The following TBCK variants were observed in gnomAD, a reference collection of about 807,000 sequenced individuals.
TBCK encodes TBC domain-containing protein kinase-like protein.
A neutral mutation model predicts 113.4 loss-of-function variants in TBCK; 99 were observed. That is an observed-to-expected ratio of 0.87 (90% CI 0.74 to 1.03). TBCK has a LOEUF of 1.03. Ranked by LOEUF, TBCK falls within the 50% of genes least tolerant of loss-of-function variation. The pLI, the probability that TBCK is intolerant of heterozygous loss-of-function variation, is 0.00. For missense variants in TBCK, 1,045 were observed against 1,061.3 expected, an observed-to-expected ratio of 0.98 and a Z score of 0.21; for synonymous variants, 369 against 370.8, an observed-to-expected ratio of 1.00 and a Z score of 0.05.
intron 19 of TBCK, among the ~76,000 whole-genome samples, chr4:106,222,149 T>C (rs899699632): frequency 6.6e-5 from 10 of 151,760 alleles, no homozygotes; most frequent in African/African-American, 1.2e-4. Context: ...AAGTTTATTA[T>C]ATTACAGTAT....
At chr4:106,195,677 G>A (rs749727290) in intron 20 of TBCK, among the ~76,000 whole-genome samples, 19 of 151,888 alleles carry the variant, frequency 1.3e-4, no homozygotes, top group Non-Finnish European at 2.1e-4. Context: ...TGCTTGAGCC[G>A]GAACATTTCA....
At chr4:106,120,259 C>A (rs931100913) in intron 23 of TBCK, among the ~76,000 whole-genome samples, 1 of 152,098 alleles carries the variant, frequency 6.6e-6, no homozygotes, top group Non-Finnish European at 1.5e-5. Context: ...TTTTCGGACC[C>A]CCTTAAAAAA....
At chr4:106,058,248 T>C (rs954678146) in intron 25 of TBCK, among the ~76,000 whole-genome samples, 13 of 151,730 alleles carry the variant, frequency 8.6e-5, no homozygotes, top group Admixed American at 6.6e-4. Flanking sequence ...CCATCATTTA[T>C]GGTTGTTCAA....
In TBCK at chr4:106,236,386, A is replaced by G; in HGVS notation, c.1350+4T>C. On this transcript the variant is annotated splice_donor_region_variant and intron_variant, in intron 14 of 25. Coordinates refer to ENST00000394708, the MANE Select transcript of TBCK (RefSeq NM_001163435.3). ...GTTAACACTTTATACTTTAGAATCC[A>G]TACCTTTAGCAGCCTGTCGAAGAGA... The G allele has an allele frequency of 6.8e-7, 1 of 1,477,698 alleles. No individual in the cohort carries two copies. The highest frequency in any genetic ancestry group is 9.0e-7 in the Non-Finnish European group (1 of 1,113,388). 91.5% of individuals were successfully genotyped at this position (1,477,698 alleles called of 1,614,324 possible).
chr4:106,082,464 G>T (rs951503056), intron 25 of TBCK, among the ~76,000 whole-genome samples: 1 of 152,026 alleles, frequency 6.6e-6, no homozygotes, highest in Non-Finnish European at 1.5e-5. Flanking sequence ...GAGAGACATG[G>T]TTTTTAGGGC....
At chr4:106,235,425 C>T (rs1401473896) in intron 14 of TBCK, 58 bp from the exon 15 acceptor site, 7 of 1,190,466 alleles carry the variant, frequency 5.9e-6, no homozygotes, top group Non-Finnish European at 8.3e-6. Flanking sequence ...ATCTTTTAGT[C>T]TAGACAGTTC....
At chr4:106,221,346 G>C (rs1213500519) in intron 19 of TBCK, among the ~76,000 whole-genome samples, 1 of 151,924 alleles carries the variant, frequency 6.6e-6, no homozygotes, top group East Asian at 1.9e-4. Context: ...CACACACACA[G>C]ACATAAAATA....
At chr4:106,227,255 G>A (rs1358256688) in intron 19 of TBCK, among the ~76,000 whole-genome samples, 1 of 151,998 alleles carries the variant, frequency 6.6e-6, no homozygotes, top group Non-Finnish European at 1.5e-5. Context: ...TGTAGACACA[G>A]ATATATAGGA....
At chr4:106,221,809 C>T (rs987924446) in intron 19 of TBCK, among the ~76,000 whole-genome samples, 6 of 152,128 alleles carry the variant, frequency 3.9e-5, no homozygotes, top group African/African-American at 1.2e-4. Context: ...ACTCCAGGAC[C>T]GCTTGAGGGA....
intron 19 of TBCK, among the ~76,000 whole-genome samples, chr4:106,216,719 T>A (rs986396496): frequency 6.6e-6 from 1 of 152,128 alleles, no homozygotes; most frequent in Non-Finnish European, 1.5e-5. Context: ...ATTGTGGCAA[T>A]AATCAATAGC....
chr4:106,228,683 C>T (rs1344955178), intron 19 of TBCK, among the ~76,000 whole-genome samples: 2 of 151,960 alleles, frequency 1.3e-5, no homozygotes, highest in African/African-American at 4.8e-5. Flanking sequence ...TCTTGGCTAT[C>T]ATGAATGGTG....
chr4:106,055,629 T>C (rs1234072713), intron 25 of TBCK, among the ~76,000 whole-genome samples: 2 of 151,510 alleles, frequency 1.3e-5, no homozygotes, highest in African/African-American at 4.8e-5. Flanking sequence ...TCCTTTCCTT[T>C]CTCTTCTAGT....
At position 106,100,130 on chromosome 4, in the gene TBCK, A is replaced by AT. The variant is rs1217207289; in HGVS notation, c.2412-4490dup. 2.6e-5 allele frequency among the ~76,000 whole-genome samples: 4 copies of AT among 152,178 alleles called. No homozygotes were observed. In the East Asian group the frequency reaches 7.7e-4, roughly 29 times the overall value. ...GTTTCCCTTCCCACAGTATCTGTACATATCTTATAACAGCAATTTGATTTT... is the reference window on the plus strand; with the variant it reads ...GTTTCCCTTCCCACAGTATCTGTACATTATCTTATAACAGCAATTTGATTTT... On this transcript the variant is annotated intron_variant, in intron 24 of 25. Transcript: ENST00000394708.
intron 3 of TBCK, among the ~76,000 whole-genome samples, chr4:106,262,440 A>G (rs1762592908): frequency 6.6e-6 from 1 of 152,036 alleles, no homozygotes; most frequent in South Asian, 2.1e-4. Context: ...AGTTTCCTAA[A>G]GGCTACTGTA....
At chr4:106,222,866 G>C (rs1757853306) in intron 19 of TBCK, among the ~76,000 whole-genome samples, 1 of 152,040 alleles carries the variant, frequency 6.6e-6, no homozygotes, top group African/African-American at 2.4e-5. Flanking sequence ...TAACTAAGTG[G>C]AAAGAAGGGG....
intron 25 of TBCK, among the ~76,000 whole-genome samples, chr4:106,063,324 A>G (rs2149463885): frequency 6.6e-6 from 1 of 152,078 alleles, no homozygotes; most frequent in South Asian, 2.1e-4. Flanking sequence ...TTCTTTAACT[A>G]AATGCTTAAG....
intron 10 of TBCK, among the ~76,000 whole-genome samples, chr4:106,246,651 A>C (rs1760849607): frequency 6.6e-6 from 1 of 152,100 alleles, no homozygotes; most frequent in South Asian, 2.1e-4. Context: ...AGGCTCACTT[A>C]AAGATTCAGA....
chr4:106,230,781 C>G (rs1341908122), intron 18 of TBCK, among the ~76,000 whole-genome samples: 7 of 151,740 alleles, frequency 4.6e-5, no homozygotes, highest in African/African-American at 1.7e-4. Context: ...ACGGACCTCA[C>G]GATCCTTAAC....
intron 3 of TBCK, among the ~76,000 whole-genome samples, chr4:106,275,498 AATG>A (rs1484902526): frequency 6.6e-6 from 1 of 152,192 alleles, no homozygotes; most frequent in East Asian, 1.9e-4. Flanking sequence ...TCTATTCAAC[AATG>A]ATATGGTTGT....
Sources: allele counts gnomAD v4.1 joint callset (sites outside exome capture counted in the v4.1 genomes callset), GRCh38; gene constraint gnomAD v4.1.1; transcripts MANE v1.5; gene names NCBI Gene and HGNC (gene_info 2026-07-23, HGNC 2026-07-21).